PIK3C3: variants seen among roughly 807,000 people sequenced by gnomAD.
PIK3C3 encodes PI3-kinase type 3.
Under a neutral mutation model 126.1 loss-of-function variants are expected in PIK3C3, and 95 were observed. The ratio of observed to expected loss-of-function variants is 0.75; its 90% confidence interval spans 0.64 to 0.89. PIK3C3 has a LOEUF of 0.89. Among genes scored for constraint, PIK3C3 ranks in the 40% least tolerant of loss-of-function variants. PIK3C3 has a pLI of 0.00. For missense variants in PIK3C3, 829 were observed against 1,063.2 expected, an observed-to-expected ratio of 0.78 and a Z score of 3.06; for synonymous variants, 374 against 360.0, an observed-to-expected ratio of 1.04 and a Z score of -0.44.
chr18:41,997,081 A>C (rs944391630), intron 9 of PIK3C3, among the ~76,000 whole-genome samples: 4 of 152,120 alleles, frequency 2.6e-5, no homozygotes, highest in African/African-American at 9.7e-5. Flanking sequence ...CAAGTAAGAT[A>C]ATACAGGTAA....
In PIK3C3 at chr18:42,013,513, A is replaced by AT. The variant is rs1373469009; in HGVS notation, c.1244dup (p.Leu415PhefsTer8). The AT allele has an allele frequency of 1.9e-6, 3 of 1,596,124 alleles. No homozygotes were observed. The African/African-American group carries it at 4.0e-5, about 22-fold the overall frequency. On this transcript the variant is annotated frameshift_variant, in exon 11 of 25. Coordinates refer to ENST00000262039, the MANE Select transcript of PIK3C3 (RefSeq NM_002647.4). LOFTEE classifies it high-confidence loss of function. ...AAAATTTTGATGATATAAAGAATGGATTGGAACCTACCAAGAAGGATAGTC... is the reference window on the plus strand; with the variant it reads ...AAAATTTTGATGATATAAAGAATGGATTTGGAACCTACCAAGAAGGATAGTC...
chr18:42,059,593 A>G (rs895262714), intron 22 of PIK3C3, among the ~76,000 whole-genome samples: 15 of 152,210 alleles, frequency 9.9e-5, no homozygotes, highest in African/African-American at 3.1e-4. Flanking sequence ...TAGCAATTCA[A>G]TAGAATAAGA....
At chr18:41,991,232 A>G (rs1208838589) in intron 6 of PIK3C3, among the ~76,000 whole-genome samples, 1 of 152,138 alleles carries the variant, frequency 6.6e-6, no homozygotes, top group Non-Finnish European at 1.5e-5. Flanking sequence ...ACAGAAAATA[A>G]TTGTATGCAG....
intron 11 of PIK3C3, among the ~76,000 whole-genome samples, chr18:42,014,389 T>C (rs769978905): frequency 6.6e-6 from 1 of 152,112 alleles, no homozygotes; most frequent in African/African-American, 2.4e-5. Flanking sequence ...ATATAAAAAT[T>C]AGGAGTTCCC....
At position 42,081,323 on chromosome 18, in the gene PIK3C3, T is replaced by C. The variant is rs1427231172; in HGVS notation, c.*186T>C. On this transcript the variant is annotated 3_prime_UTR_variant, in exon 25 of 25. Transcript: ENST00000262039. ...CTTGGATGTCATTGCTTAAATATAG[T>C]CTTGAAGGGCTTGTTTTGAAATATT... The C allele has an allele frequency of 1.3e-5, 6 of 454,830 alleles. No individual in the cohort carries two copies. Among genetic ancestry groups the C allele is most frequent in the East Asian group, 1.3e-4 (4 of 30,348 alleles). 28.2% of individuals were successfully genotyped at this position (454,830 alleles called of 1,614,324 possible). A position where few individuals can be genotyped will look rare whatever the true frequency, so the allele number is the denominator to read the frequency against.
intron 22 of PIK3C3, among the ~76,000 whole-genome samples, chr18:42,064,110 CTG>C (rs1985435515): frequency 6.6e-6 from 1 of 152,164 alleles, no homozygotes; most frequent in Admixed American, 6.5e-5. Context: ...TGAAGAGAAA[CTG>C]TTAGTTCCTG....
chr18:42,002,502 A>G (rs1982336613), intron 9 of PIK3C3, among the ~76,000 whole-genome samples: 1 of 152,226 alleles, frequency 6.6e-6, no homozygotes, highest in Admixed American at 6.5e-5. Context: ...TTCTCTACAA[A>G]GAATGAAACT....
chr18:42,012,392 C>G (rs1281097835), intron 10 of PIK3C3, among the ~76,000 whole-genome samples: 3 of 152,048 alleles, frequency 2.0e-5, no homozygotes, highest in Non-Finnish European at 4.4e-5. Flanking sequence ...GAGACTTAAC[C>G]TGGTTTGTGA....
intron 4 of PIK3C3, among the ~76,000 whole-genome samples, chr18:41,975,876 A>G (rs757294001): frequency 6.6e-5 from 10 of 151,964 alleles, no homozygotes; most frequent in Middle Eastern, 3.4e-3. Context: ...ATTTTTCTGT[A>G]TTTTTAGTAG....
At chr18:41,971,777 A>G (rs944549595) in intron 4 of PIK3C3, among the ~76,000 whole-genome samples, 17 of 152,058 alleles carry the variant, frequency 1.1e-4, no homozygotes, top group African/African-American at 4.1e-4. Context: ...TAATATTTTT[A>G]AAAAAGCTCT....
intron 24 of PIK3C3, among the ~76,000 whole-genome samples, chr18:42,077,247 C>T (rs1310332834): frequency 1.3e-5 from 2 of 152,174 alleles, no homozygotes; most frequent in Non-Finnish European, 2.9e-5. Flanking sequence ...ATGTTGATAG[C>T]TGCTGATCAG....
At chr18:42,039,417 C>A (rs1383841656) in intron 18 of PIK3C3, among the ~76,000 whole-genome samples, 1 of 152,186 alleles carries the variant, frequency 6.6e-6, no homozygotes, top group Non-Finnish European at 1.5e-5. Flanking sequence ...TGCAAAAAGT[C>A]ATTTGTTAGC....
intron 9 of PIK3C3, among the ~76,000 whole-genome samples, chr18:42,003,265 G>T (rs1303839192): frequency 1.3e-5 from 2 of 152,144 alleles, no homozygotes; most frequent in Admixed American, 6.6e-5. Context: ...CTAATAAAAA[G>T]ATTTTGGTTG....
intron 23 of PIK3C3, 133 bp from the exon 24 acceptor site, chr18:42,067,255 A>G: frequency 1.3e-6 from 1 of 764,192 alleles, no homozygotes. Flanking sequence ...CAGAATTCTA[A>G]TAAGTTACAG....
intron 19 of PIK3C3, 75 bp downstream of exon 19, chr18:42,040,816 G>T: frequency 1.0e-6 from 1 of 966,766 alleles, no homozygotes; most frequent in South Asian, 1.5e-5. Flanking sequence ...ATAACATAGA[G>T]TTAAAAATGA....
intron 12 of PIK3C3, among the ~76,000 whole-genome samples, chr18:42,018,207 G>A (rs1047833739): frequency 5.3e-5 from 8 of 151,844 alleles, no homozygotes; most frequent in African/African-American, 1.4e-4. Context: ...TTTTTATAAA[G>A]CACTTTTTTC....
chr18:42,053,565 A>G (rs1984900375), intron 21 of PIK3C3, among the ~76,000 whole-genome samples: 1 of 152,192 alleles, frequency 6.6e-6, no homozygotes, highest in Non-Finnish European at 1.5e-5. Flanking sequence ...GAAATTACAA[A>G]GCTAGGCTGT....
chr18:42,031,914 C>T (rs1466735277), intron 15 of PIK3C3, among the ~76,000 whole-genome samples: 2 of 152,096 alleles, frequency 1.3e-5, no homozygotes, highest in Admixed American at 1.3e-4. Flanking sequence ...AAAATCTCTT[C>T]CTCTATGGGG....
At chr18:41,967,701 A>T (rs1280226440) in intron 3 of PIK3C3, among the ~76,000 whole-genome samples, 1 of 152,236 alleles carries the variant, frequency 6.6e-6, no homozygotes, top group South Asian at 2.1e-4. Context: ...GAAGTCTAGC[A>T]TATGAAATTT....
Sources: gnomAD v4.1 joint callset for allele counts (sites outside exome capture counted in the v4.1 genomes callset) on GRCh38, gnomAD v4.1.1 for gene constraint, MANE v1.5 for transcripts, NCBI Gene and HGNC (gene_info 2026-07-23, HGNC 2026-07-21) for gene names.